KIRREL3: variants seen among roughly 807,000 people sequenced by gnomAD.
The protein encoded by KIRREL3 is kirre like nephrin family adhesion molecule 3.
KIRREL3 carries 36 observed loss-of-function variants against 89.7 expected under a neutral mutation model. The ratio of observed to expected loss-of-function variants is 0.40; its 90% CI spans 0.31 to 0.53. The LOEUF (loss-of-function observed/expected upper bound fraction) is 0.53. KIRREL3 is among the 20% of genes least tolerant of loss of function. The pLI, the probability that KIRREL3 is intolerant of heterozygous loss-of-function variation, is 0.49. For missense variants in KIRREL3, 864 were observed against 1,056.6 expected, an observed-to-expected ratio of 0.82 and a Z score of 2.53; for synonymous variants, 445 against 441.4, an observed-to-expected ratio of 1.01 and a Z score of -0.10.
At chr11:126,839,209 C>T (rs1255129748) in intron 1 of KIRREL3, among the ~76,000 whole-genome samples, 2 of 152,248 alleles carry the variant, frequency 1.3e-5, no homozygotes, top group East Asian at 3.9e-4. Context: ...ATGTATTGAT[C>T]ATGTACAACA....
chr11:126,820,174 G>C (rs1266740332), intron 1 of KIRREL3, among the ~76,000 whole-genome samples: 4 of 152,206 alleles, frequency 2.6e-5, no homozygotes, highest in Non-Finnish European at 5.9e-5. Context: ...TTCTTGGTGA[G>C]AGTGATTTCA....
chr11:126,898,162 A>G lies in KIRREL3; in HGVS notation c.55+102293T>C, dbSNP rs1050479269. Among the ~76,000 whole-genome samples, 1 of 152,124 alleles carries G rather than the reference A, an allele frequency of 6.6e-6. No individual in the cohort carries two copies. The highest frequency in any genetic ancestry group is 6.6e-5 in the Admixed American group (1 of 15,252). ...GATGCCACAGTCGCCTATCTCGTGG[A>G]CAGGTGGAAGTAAAGAGTTAGGATC... On this transcript the variant is annotated intron_variant, in intron 1 of 16. Coordinates refer to ENST00000525144, the MANE Select transcript of KIRREL3 (RefSeq NM_032531.4). This position sits in a 1 kb window ranked among gnomAD's most constrained non-coding sequence, Gnocchi z 4.9.
At chr11:126,596,976 T>C (rs1008848715) in intron 1 of KIRREL3, among the ~76,000 whole-genome samples, 3 of 152,188 alleles carry the variant, frequency 2.0e-5, no homozygotes, top group African/African-American at 7.2e-5. Context: ...GGGCATTATA[T>C]GGGCTCTAGT....
chr11:126,695,228 A>G (rs1220480555), intron 1 of KIRREL3, among the ~76,000 whole-genome samples: 1 of 152,124 alleles, frequency 6.6e-6, no homozygotes, highest in Non-Finnish European at 1.5e-5. Context: ...GGGTTCTCTT[A>G]TCTGTGTGAT....
chr11:126,430,864 G>A lies in KIRREL3; in HGVS notation c.1696+555C>T, dbSNP rs1479412022. The A allele has an allele frequency of 3.7e-6, 2 of 540,840 alleles. No homozygotes were observed. The highest frequency in any genetic ancestry group is 4.7e-6 in the Non-Finnish European group (2 of 421,150). The allele number at this position is 540,840 out of a possible 1,614,324, so 33.5% of individuals were successfully genotyped here. ...TTCTCTGCCATCCAATCTCTCACAC[G>A]TTATCTCCTCGGTGCACGCAATTCT... On this transcript the variant is annotated intron_variant, in intron 14 of 16. Transcript: ENST00000525144. The surrounding 1 kb of genome is among the most constrained non-coding windows in gnomAD (Gnocchi z 6.6).
intron 4 of KIRREL3, among the ~76,000 whole-genome samples, chr11:126,497,313 A>C (rs1565500401): frequency 6.6e-6 from 1 of 152,142 alleles, no homozygotes; most frequent in East Asian, 1.9e-4. Context: ...AGCGAGAGAG[A>C]GTAAGACAGA....
chr11:126,839,963 T>C (rs1943909673), intron 1 of KIRREL3, among the ~76,000 whole-genome samples: 2 of 152,120 alleles, frequency 1.3e-5, no homozygotes, highest in Non-Finnish European at 2.9e-5. Flanking sequence ...TCTATACTCT[T>C]GATTGCAGGA....
chr11:126,582,731 C>A (rs1277211844), intron 1 of KIRREL3, among the ~76,000 whole-genome samples: 1 of 152,154 alleles, frequency 6.6e-6, no homozygotes, highest in Non-Finnish European at 1.5e-5. Flanking sequence ...CAGGATTGAC[C>A]TTAATTGAGT....
chr11:126,824,604 G>A (rs1167457120), intron 1 of KIRREL3, among the ~76,000 whole-genome samples: 1 of 152,228 alleles, frequency 6.6e-6, no homozygotes, highest in African/African-American at 2.4e-5. Context: ...TAGGAAAAGA[G>A]GAAGAAATTT....
Position 126,528,180 on chromosome 11 carries a change from C to T in KIRREL3, c.134-1493G>A, listed in dbSNP as rs925701857. Reference sequence around the variant, plus strand: ...CCTGCTCTACAGACCCAGACCTAACCGAGGCAAAACTGGACCTGGCGCTCC... The same window carrying T: ...CCTGCTCTACAGACCCAGACCTAACTGAGGCAAAACTGGACCTGGCGCTCC... On this transcript the variant is annotated intron_variant, in intron 2 of 16. Coordinates refer to ENST00000525144, the MANE Select transcript of KIRREL3 (RefSeq NM_032531.4). This position sits in a 1 kb window ranked among gnomAD's most constrained non-coding sequence, Gnocchi z 4.6. 3.3e-5 allele frequency among the ~76,000 whole-genome samples: 5 copies of T among 152,182 alleles called. No individual in the cohort carries two copies. The highest frequency in any genetic ancestry group is 1.3e-4 in the Admixed American group (2 of 15,272).
chr11:126,796,333 C>T lies in KIRREL3; in HGVS notation c.55+204122G>A, dbSNP rs1007418651. ...CCTGGCTTGCTGATCCCAGACTGGG[C>T]TGACCCAGGGCATCAGGGCTGGGGA... On this transcript the variant is annotated intron_variant, in intron 1 of 16. Coordinates refer to ENST00000525144, the MANE Select transcript of KIRREL3 (RefSeq NM_032531.4). The surrounding 1 kb of genome is among the most constrained non-coding windows in gnomAD (Gnocchi z 5.1). Among the ~76,000 whole-genome samples, 2 of 152,190 alleles carry T rather than the reference C, an allele frequency of 1.3e-5. No individual in the cohort carries two copies. Among genetic ancestry groups the T allele is most frequent in the African/African-American group, 4.8e-5 (2 of 41,448 alleles).
At chr11:126,480,641 T>C (rs1957191627) in intron 4 of KIRREL3, among the ~76,000 whole-genome samples, 1 of 152,252 alleles carries the variant, frequency 6.6e-6, no homozygotes, top group Non-Finnish European at 1.5e-5. Flanking sequence ...GTCCTGGCCC[T>C]AGAGCTCTGC....
rs1459787178 is a variant in KIRREL3, at chr11:126,995,985, C to G, written c.55+4470G>C. On this transcript the variant is annotated intron_variant, in intron 1 of 16. Coordinates refer to ENST00000525144, the MANE Select transcript of KIRREL3 (RefSeq NM_032531.4). This position sits in a 1 kb window ranked among gnomAD's most constrained non-coding sequence, Gnocchi z 6.5. The stretch of plus-strand genomic sequence containing the variant: ...CCTCTGTACACCCAAGAGGGGGACC[C>G]CATGGTATCCTCTTAGAGCAATGTG... Among the ~76,000 whole-genome samples the G allele has an allele frequency of 1.3e-5, 2 of 152,140 alleles. No homozygotes were observed. Among genetic ancestry groups the G allele is most frequent in the Non-Finnish European group, 2.9e-5 (2 of 68,028 alleles).
rs948188906 is a variant in KIRREL3, at chr11:126,997,738, G to T, written c.55+2717C>A. Among the ~76,000 whole-genome samples the T allele has an allele frequency of 3.9e-5, 6 of 152,148 alleles. No individual in the cohort carries two copies. The highest frequency in any genetic ancestry group is 9.7e-5 in the African/African-American group (4 of 41,434). ...CTGCTTGGAGCACTCTCTCTGCACG[G>T]GGACCAAGATACTGGGAGCATGGAG... On this transcript the variant is annotated intron_variant, in intron 1 of 16. Coordinates refer to ENST00000525144, the MANE Select transcript of KIRREL3 (RefSeq NM_032531.4). This position sits in a 1 kb window ranked among gnomAD's most constrained non-coding sequence, Gnocchi z 4.3.
intron 1 of KIRREL3, among the ~76,000 whole-genome samples, chr11:126,842,330 G>T (rs1466719036): frequency 6.6e-6 from 1 of 152,108 alleles, no homozygotes; most frequent in Non-Finnish European, 1.5e-5. Context: ...ATTTTAGAAT[G>T]TAACTCTCTT....
At chr11:126,507,466 T>G (rs1162677703) in intron 4 of KIRREL3, among the ~76,000 whole-genome samples, 2 of 152,202 alleles carry the variant, frequency 1.3e-5, no homozygotes, top group Non-Finnish European at 2.9e-5. Context: ...CCTCACACTC[T>G]GCTCTACTTT....
At chr11:126,712,288 C>G (rs902235534) in intron 1 of KIRREL3, among the ~76,000 whole-genome samples, 1 of 137,154 alleles carries the variant, frequency 7.3e-6, no homozygotes, top group South Asian at 2.4e-4. Flanking sequence ...TGTGTGTGCG[C>G]GCGTGCATGC....
At position 126,429,165 on chromosome 11, in the gene KIRREL3, A is replaced by G. The variant is rs1164791568; in HGVS notation, c.1806+14T>C. The G allele has an allele frequency of 3.9e-6, 6 of 1,549,752 alleles. No individual in the cohort carries two copies. Among genetic ancestry groups the G allele is most frequent in the Non-Finnish European group, 5.3e-6 (6 of 1,122,058 alleles). ...GGAGTCACGGGATGGGATGGGGCGT[A>G]ATTGCATTCTTACCATCAGCTGCTT... On this transcript the variant is annotated intron_variant, in intron 15 of 16. Transcript: ENST00000525144. The surrounding 1 kb of genome is among the most constrained non-coding windows in gnomAD (Gnocchi z 5.2).
At chr11:126,497,187 A>AGT (rs1462949924) in intron 4 of KIRREL3, among the ~76,000 whole-genome samples, 1 of 105,042 alleles carries the variant, frequency 9.5e-6, no homozygotes, top group Non-Finnish European at 1.9e-5. Context: ...AGTGTGTGAG[A>AGT]GTGTGAGTGT....
Sources: allele counts gnomAD v4.1 joint callset (sites outside exome capture counted in the v4.1 genomes callset), GRCh38; gene constraint gnomAD v4.1.1; non-coding constraint Gnocchi (gnomAD v3.1); transcripts MANE v1.5; gene names NCBI Gene and HGNC (gene_info 2026-07-23, HGNC 2026-07-21).